NALF1: variants seen among roughly 807,000 people sequenced by gnomAD.
NALF1 encodes the protein family with sequence similarity 155 member A.
Under a neutral mutation model 48.4 loss-of-function variants are expected in NALF1, and 3 were observed. The ratio of observed to expected loss-of-function variants is 0.06; its 90% CI spans 0.03 to 0.16. The LOEUF is 0.16. Among genes scored for constraint, NALF1 ranks in the 10% least tolerant of loss-of-function variants. NALF1 has a pLI of 1.00. For missense variants in NALF1, 526 were observed against 571.5 expected, an observed-to-expected ratio of 0.92 and a Z score of 0.81; for synonymous variants, 262 against 245.7, an observed-to-expected ratio of 1.07 and a Z score of -0.62.
chr13:107,418,229 T>C (rs1345335761), intron 1 of NALF1, among the ~76,000 whole-genome samples: 1 of 152,112 alleles, frequency 6.6e-6, no homozygotes, highest in Non-Finnish European at 1.5e-5. Context: ...ATGCAGGAAG[T>C]CTCTACAAGG....
chr13:107,194,054 ATC>A (rs372849256), intron 2 of NALF1, among the ~76,000 whole-genome samples: 10,686 of 102,378 alleles, frequency 0.1, 375 homozygotes, highest in East Asian at 0.17. Flanking sequence ...CTATCTATCT[ATC>A]TATATATCAA....
chr13:107,447,410 C>T (rs2139031938), intron 1 of NALF1, among the ~76,000 whole-genome samples: 1 of 152,228 alleles, frequency 6.6e-6, no homozygotes, highest in Middle Eastern at 3.4e-3. Context: ...CAAAACCTAT[C>T]ATTCTGAGTC....
chr13:107,858,896 G>C (rs1880501077), intron 1 of NALF1, among the ~76,000 whole-genome samples: 1 of 152,104 alleles, frequency 6.6e-6, no homozygotes, highest in South Asian at 2.1e-4. Context: ...AAATTTCTGG[G>C]TGATTTAAGT....
At chr13:107,283,559 C>T (rs1881430245) in intron 1 of NALF1, among the ~76,000 whole-genome samples, 2 of 152,216 alleles carry the variant, frequency 1.3e-5, no homozygotes, top group South Asian at 4.1e-4. Context: ...AGATGGCATC[C>T]CGTGTTCCCA....
intron 1 of NALF1, among the ~76,000 whole-genome samples, chr13:107,310,691 T>C (rs1882027671): frequency 6.6e-6 from 1 of 151,950 alleles, no homozygotes; most frequent in Non-Finnish European, 1.5e-5. Context: ...TTATTATTAT[T>C]ATTTTAGATG....
intron 1 of NALF1, among the ~76,000 whole-genome samples, chr13:107,829,040 A>G (rs1566498320): frequency 6.6e-6 from 1 of 152,208 alleles, no homozygotes; most frequent in Non-Finnish European, 1.5e-5. Flanking sequence ...AAAATAGCCT[A>G]TCATGAACAT....
chr13:107,209,850 T>TCA (rs1002417769), intron 2 of NALF1, among the ~76,000 whole-genome samples: 2 of 152,178 alleles, frequency 1.3e-5, no homozygotes, highest in African/African-American at 4.8e-5. Context: ...ACTCGGATTA[T>TCA]CACACCACCC....
At chr13:107,798,316 T>G (rs368397495) in intron 1 of NALF1, among the ~76,000 whole-genome samples, 1 of 152,226 alleles carries the variant, frequency 6.6e-6, no homozygotes, top group Non-Finnish European at 1.5e-5. Context: ...CAGTTTAGTA[T>G]GCTAACTTCT....
At chr13:107,505,914 G>A (rs543434799) in intron 1 of NALF1, among the ~76,000 whole-genome samples, 8 of 152,046 alleles carry the variant, frequency 5.3e-5, no homozygotes, top group South Asian at 2.1e-4. Context: ...GAACATCATC[G>A]GCAGAGTGGT....
intron 1 of NALF1, among the ~76,000 whole-genome samples, chr13:107,541,470 T>C (rs1173441195): frequency 6.6e-6 from 1 of 152,060 alleles, no homozygotes; most frequent in Non-Finnish European, 1.5e-5. Flanking sequence ...CTTTTGAGTT[T>C]AAAAAGAGAA....
At chr13:107,316,244 T>A (rs2138909061) in intron 1 of NALF1, among the ~76,000 whole-genome samples, 1 of 152,360 alleles carries the variant, frequency 6.6e-6, no homozygotes, top group African/African-American at 2.4e-5. Flanking sequence ...TTTTTATGGC[T>A]GCATAGTATT....
chr13:107,384,690 A>T (rs1883498431), intron 1 of NALF1, among the ~76,000 whole-genome samples: 2 of 152,188 alleles, frequency 1.3e-5, no homozygotes. Flanking sequence ...TTGATTTTTA[A>T]ATTAACTTTC....
At chr13:107,681,682 C>T (rs2138496313) in intron 1 of NALF1, among the ~76,000 whole-genome samples, 1 of 152,234 alleles carries the variant, frequency 6.6e-6, no homozygotes, top group African/African-American at 2.4e-5. Context: ...TTAACGCCGA[C>T]ATCTGGATCC....
rs559507351 is a variant in NALF1, at chr13:107,348,226, A to G, written c.916-137471T>C. On this transcript the variant is annotated intron_variant, in intron 1 of 2. Coordinates refer to ENST00000375915, the MANE Select transcript of NALF1 (RefSeq NM_001080396.3). ...GAGGCATTTTCAGAAGAAAATTAAT[A>G]ATCAAGTTACTGTGTACTTTATGGA... Among the ~76,000 whole-genome samples, 12 of 152,338 alleles carry G rather than the reference A, an allele frequency of 7.9e-5. No homozygotes were observed. The South Asian group carries it at 2.5e-3, about 32-fold the overall frequency.
chr13:107,694,837 G>A (rs1303111210), intron 1 of NALF1, among the ~76,000 whole-genome samples: 1 of 150,906 alleles, frequency 6.6e-6, no homozygotes, highest in Non-Finnish European at 1.5e-5. Context: ...GTGTTGCCCA[G>A]GCTAGAATGC....
At chr13:107,584,445 T>C (rs1878397498) in intron 1 of NALF1, among the ~76,000 whole-genome samples, 1 of 152,170 alleles carries the variant, frequency 6.6e-6, no homozygotes, top group Non-Finnish European at 1.5e-5. Context: ...TTTTTCTGTA[T>C]TCATTCATCA....
intron 1 of NALF1, among the ~76,000 whole-genome samples, chr13:107,524,444 C>G (rs1165928355): frequency 6.6e-6 from 1 of 151,960 alleles, no homozygotes; most frequent in Non-Finnish European, 1.5e-5. Context: ...TTCTAGGTTT[C>G]TATGTTAATA....
intron 1 of NALF1, among the ~76,000 whole-genome samples, chr13:107,512,851 C>T (rs1875941142): frequency 6.6e-6 from 1 of 152,116 alleles, no homozygotes; most frequent in Non-Finnish European, 1.5e-5. Flanking sequence ...CTTCCACCCG[C>T]TCCCTTTTTT....
intron 1 of NALF1, among the ~76,000 whole-genome samples, chr13:107,374,171 G>C (rs1045189950): frequency 6.6e-6 from 1 of 152,014 alleles, no homozygotes; most frequent in Non-Finnish European, 1.5e-5. Context: ...ACTTTCCTAC[G>C]CAAGTACTTC....
Sources: gnomAD v4.1 joint callset for allele counts (sites outside exome capture counted in the v4.1 genomes callset) on GRCh38, gnomAD v4.1.1 for gene constraint, MANE v1.5 for transcripts, NCBI Gene and HGNC (gene_info 2026-07-23, HGNC 2026-07-21) for gene names.